CACNA2D4: variants seen among roughly 807,000 people sequenced by gnomAD.
CACNA2D4 encodes the protein calcium voltage-gated channel auxiliary subunit alpha2delta 4.
CACNA2D4 carries 157 observed loss-of-function variants against 163.8 expected under a neutral mutation model. That is an observed-to-expected ratio of 0.96 (90% CI 0.84 to 1.09). The LOEUF is 1.09. Ranked by LOEUF, CACNA2D4 falls within the 50% of genes least tolerant of loss-of-function variation. The probability of loss-of-function intolerance (pLI) is 0.00; values close to 1 mark genes in which losing one functional copy is unlikely to be tolerated. For synonymous variants in CACNA2D4, 598 were observed against 586.9 expected (o/e 1.02, Z -0.27); for missense variants, 1,410 against 1,479.9 (o/e 0.95, Z 0.78).
chr12:1,849,995 C>T (rs1470280205), intron 23 of CACNA2D4, among the ~76,000 whole-genome samples: 2 of 152,076 alleles, frequency 1.3e-5, no homozygotes, highest in Non-Finnish European at 2.9e-5. Flanking sequence ...TGGGTTGTTT[C>T]CAATCTTCTA....
chr12:1,892,506 T>A, intron 6 of CACNA2D4, among the ~76,000 whole-genome samples: 1 of 150,484 alleles, frequency 6.6e-6, no homozygotes, highest in South Asian at 2.1e-4. Context: ...TAAGGAAGAG[T>A]AAGGACTCAA....
intron 26 of CACNA2D4, among the ~76,000 whole-genome samples, chr12:1,830,513 C>T (rs887069415): frequency 2.6e-5 from 4 of 152,228 alleles, no homozygotes; most frequent in African/African-American, 4.8e-5. Flanking sequence ...GGCATGGGAG[C>T]AGGTTTCTCT....
intron 6 of CACNA2D4, among the ~76,000 whole-genome samples, chr12:1,891,111 C>T (rs753849369): frequency 2.0e-5 from 3 of 152,312 alleles, no homozygotes; most frequent in Non-Finnish European, 4.4e-5. Context: ...AGCAAGCCAC[C>T]TGGAGGCCCA....
intron 26 of CACNA2D4, among the ~76,000 whole-genome samples, chr12:1,837,492 C>A (rs1223027701): frequency 6.6e-6 from 1 of 152,158 alleles, no homozygotes; most frequent in East Asian, 1.9e-4. Flanking sequence ...AAGCATGCTG[C>A]AAGCCCCACT....
At chr12:1,838,686 A>G (rs1864945195) in intron 26 of CACNA2D4, among the ~76,000 whole-genome samples, 1 of 152,190 alleles carries the variant, frequency 6.6e-6, no homozygotes, top group Non-Finnish European at 1.5e-5. Flanking sequence ...CTCTGAGTTA[A>G]AAATGCTATC....
At chr12:1,795,159 C>T (rs1438958372) in intron 37 of CACNA2D4, 140 bp downstream of exon 37, 6 of 676,322 alleles carry the variant, frequency 8.9e-6, no homozygotes, top group Non-Finnish European at 1.5e-5. Context: ...GGCATAAACG[C>T]GAATGTTTCC....
Position 1,875,835 on chromosome 12 carries a change from T to C in CACNA2D4, c.1720-498A>G, listed in dbSNP as rs1865870418. Among the ~76,000 whole-genome samples, 1 of 152,234 alleles carries C rather than the reference T, an allele frequency of 6.6e-6. No homozygotes were observed. Among genetic ancestry groups the C allele is most frequent in the African/African-American group, 2.4e-5 (1 of 41,456 alleles). ...TCAGCTCCCTCTGAATATGTTGTAC[T>C]TTGTCTTCAATGTCACTCTCAAAAT... On this transcript the variant is annotated intron_variant, in intron 16 of 37. Coordinates refer to ENST00000382722, the MANE Select transcript of CACNA2D4 (RefSeq NM_172364.5). The surrounding 1 kb of genome is among the most constrained non-coding windows in gnomAD (Gnocchi z 4.0).
Position 1,885,969 on chromosome 12 carries a change from C to G in CACNA2D4, c.1064G>C (p.Arg355Pro), listed in dbSNP as rs781209342. The change falls in exon 9 of 38, where the codon CGA becomes CCA. Residue 355 changes from arginine to proline, a missense_variant. Physicochemically the swap from Arg to Pro is moderately radical, Grantham distance 103 (BLOSUM62 -2). Transcript: ENST00000382722. ...CAGGCCACCGTGGACACTCACCTCT[C>G]GATTGTCTCGGTCCGCCTGGACGAG... ...GILVQADRDN[R>P]EHFKLLVEEL... 4 of 1,611,508 alleles carry G rather than the reference C, an allele frequency of 2.5e-6. No homozygotes were observed. Among genetic ancestry groups the G allele is most frequent in the African/African-American group, 2.7e-5 (2 of 74,826 alleles).
chr12:1,834,813 T>G lies in CACNA2D4; in HGVS notation c.2551+5926A>C. On this transcript the variant is annotated intron_variant, in intron 26 of 37. Transcript: ENST00000382722. This position sits in a 1 kb window ranked among gnomAD's most constrained non-coding sequence, Gnocchi z 7.6. ...CCCACCTTGACCCGGCGCTGGCCAC[T>G]GCCTCCCCGAGTCCACCCTCCTCCC... is the stretch of plus-strand genomic sequence containing the variant. The G allele has an allele frequency of 1.4e-6, 2 of 1,453,912 alleles. No homozygotes were observed. The highest frequency in any genetic ancestry group is 1.8e-6 in the Non-Finnish European group (2 of 1,106,616). The allele number at this position is 1,453,912 out of a possible 1,614,324, so 90.1% of individuals were successfully genotyped here.
chr12:1,865,552 T>TA (rs147079273), intron 18 of CACNA2D4, among the ~76,000 whole-genome samples: 13,936 of 152,286 alleles, frequency 0.092, 858 homozygotes, highest in Middle Eastern at 0.15. Context: ...GAGCCACTCT[T>TA]AGAGTCGTAG....
rs577181384 is a variant in CACNA2D4 at position 1,846,671 on chromosome 12, C to T, written c.2265G>A (p.Val755=). The change falls in exon 24 of 38, where the codon GTG becomes GTA. Residue 755 remains valine (V), a synonymous_variant. Transcript: ENST00000382722. ...LNMSEESEHV[V]DMAFLGTRAG... is the part of the protein sequence containing the mutation. ...CCCGGGTGCCCAGGAAGGCCATGTCCACCACGTGTTCAGACTCCCTGTGTG... is the reference window on the plus strand; with the variant it reads ...CCCGGGTGCCCAGGAAGGCCATGTCTACCACGTGTTCAGACTCCCTGTGTG... The T allele has an allele frequency of 3.7e-6, 6 of 1,600,560 alleles. No individual in the cohort carries two copies. The highest frequency in any genetic ancestry group is 5.1e-6 in the Non-Finnish European group (6 of 1,175,786).
intron 18 of CACNA2D4, among the ~76,000 whole-genome samples, chr12:1,870,801 C>T (rs958793557): frequency 1.3e-5 from 2 of 151,936 alleles, no homozygotes; most frequent in East Asian, 3.9e-4. Context: ...AAAGAGAGAG[C>T]GCGAGAGGTC....
At position 1,861,446 on chromosome 12, in the gene CACNA2D4, C is replaced by CT. The variant is rs35442066; in HGVS notation, c.1879-1241dup. Among the ~76,000 whole-genome samples, 708 of 139,036 alleles carry CT rather than the reference C, an allele frequency of 5.1e-3. 7 individuals are homozygous for CT. The highest frequency in any genetic ancestry group is 0.016 in the African/African-American group (548 of 34,072). 91.2% of individuals were successfully genotyped at this position (139,036 alleles called of 152,430 possible). Reference sequence around the variant, plus strand: ...TGGAGATCATTTTTTTATTTTTACTCTTTTTTTTTTTTTGAGATGGAGTCT... The same window carrying CT: ...TGGAGATCATTTTTTTATTTTTACTCTTTTTTTTTTTTTTGAGATGGAGTCT... On this transcript the variant is annotated intron_variant, in intron 18 of 37. Transcript: ENST00000382722.
At chr12:1,811,768 G>A in intron 26 of CACNA2D4, 45 bp from the exon 27 acceptor site, 1 of 1,538,402 alleles carries the variant, frequency 6.5e-7, no homozygotes, top group Non-Finnish European at 8.8e-7. Context: ...AAGAGACGGG[G>A]AGAGAAAAAA....
chr12:1,846,263 G>C (rs144693878), intron 24 of CACNA2D4, among the ~76,000 whole-genome samples: 137 of 152,220 alleles, frequency 9.0e-4, no homozygotes, highest in South Asian at 5.4e-3. Context: ...TGGATTCTCC[G>C]ACCAACCCTC....
intron 18 of CACNA2D4, among the ~76,000 whole-genome samples, chr12:1,863,897 CAA>C (rs34899618): frequency 5.4e-4 from 78 of 143,282 alleles, no homozygotes; most frequent in Middle Eastern, 3.6e-3. Flanking sequence ...AATCACTTTA[CAA>C]AAAAAAAAAA....
intron 26 of CACNA2D4, among the ~76,000 whole-genome samples, chr12:1,837,400 G>A (rs1864904459): frequency 6.6e-6 from 1 of 152,140 alleles, no homozygotes; most frequent in Admixed American, 6.5e-5. Flanking sequence ...CAGCAGGTGG[G>A]CCCCGGAATT....
Position 1,883,034 on chromosome 12 carries a change from C to T in CACNA2D4, c.1352-34G>A, listed in dbSNP as rs1386955227. The T allele has an allele frequency of 1.3e-6, 2 of 1,598,958 alleles. No individual in the cohort carries two copies. The highest frequency in any genetic ancestry group is 1.7e-5 in the Admixed American group (1 of 58,300). On this transcript the variant is annotated intron_variant, in intron 12 of 37. Transcript: ENST00000382722. The surrounding 1 kb of genome is among the most constrained non-coding windows in gnomAD (Gnocchi z 4.5). The stretch of plus-strand genomic sequence containing the variant: ...GGGAAGGCCGCGTGGGTGTGGAAGG[C>T]AGGGCTTCCCTGGGAACCCCTCGCC...
chr12:1,811,280 C>T (rs1275785847), intron 27 of CACNA2D4, among the ~76,000 whole-genome samples: 1 of 152,220 alleles, frequency 6.6e-6, no homozygotes, highest in Non-Finnish European at 1.5e-5. Flanking sequence ...CAGGACGAGG[C>T]CAGGCAGAGC....
Sources: allele counts gnomAD v4.1 joint callset (sites outside exome capture counted in the v4.1 genomes callset), GRCh38; gene constraint gnomAD v4.1.1; non-coding constraint Gnocchi (gnomAD v3.1); transcripts MANE v1.5; gene names NCBI Gene and HGNC (gene_info 2026-07-23, HGNC 2026-07-21).